CACNB4: variants seen among roughly 807,000 people sequenced by gnomAD.
CACNB4 encodes the protein voltage-dependent L-type calcium channel subunit beta-4.
CACNB4 carries 32 observed loss-of-function variants against 71.2 expected under a neutral mutation model. The observed-to-expected ratio is 0.45, with a 90% confidence interval of 0.34 to 0.60. The LOEUF (loss-of-function observed/expected upper bound fraction) is 0.60, where lower values mean the gene tolerates loss of function less well. Ranked by LOEUF, CACNB4 falls within the 20% of genes least tolerant of loss-of-function variation. The pLI, the probability that CACNB4 is intolerant of heterozygous loss-of-function variation, is 0.01. For missense variants in CACNB4, 464 were observed against 647.9 expected (o/e 0.72, Z 3.08); for synonymous variants, 231 against 236.9 (o/e 0.97, Z 0.23).
chr2:151,943,521 GAAA>G (rs200693865), intron 2 of CACNB4, among the ~76,000 whole-genome samples: 3 of 147,638 alleles, frequency 2.0e-5, no homozygotes, highest in Non-Finnish European at 4.5e-5. Flanking sequence ...ATTTCTGGAA[GAAA>G]AAAAAAACTA....
chr2:152,049,780 C>T (rs150969981), intron 2 of CACNB4, among the ~76,000 whole-genome samples: 5 of 152,344 alleles, frequency 3.3e-5, no homozygotes, highest in South Asian at 2.1e-4. Context: ...GGTGCCCAGG[C>T]GACAAGCTAA....
intron 9 of CACNB4, chr2:151,868,718 TCTCA>T (rs1205274042): frequency 1.3e-5 from 2 of 152,152 alleles, no homozygotes; most frequent in African/African-American, 2.4e-5. Flanking sequence ...TTAAAATAAT[TCTCA>T]CTCTCTTCTT....
chr2:151,876,643 T>C (rs186843714), intron 4 of CACNB4, 87 bp from the exon 5 acceptor site: 2 of 834,596 alleles, frequency 2.4e-6, no homozygotes, highest in African/African-American at 1.7e-5. Context: ...AAGAATAAAA[T>C]GCTATTTATA....
intron 2 of CACNB4, among the ~76,000 whole-genome samples, chr2:151,941,150 C>T (rs1465256614): frequency 6.6e-6 from 1 of 152,034 alleles, no homozygotes; most frequent in African/African-American, 2.4e-5. Flanking sequence ...CTAGTCACAG[C>T]ATGCTATGGA....
intron 2 of CACNB4, among the ~76,000 whole-genome samples, chr2:151,983,675 TCACACACACA>T (rs1553803380): frequency 0.029 from 4,126 of 141,508 alleles, 189 homozygotes; most frequent in African/African-American, 0.1. Context: ...TAAACTTTGG[TCACACACACA>T]CACACACACA....
chr2:151,870,516 AGAT>A lies in CACNB4; in HGVS notation c.699+12_699+14del. On this transcript the variant is annotated intron_variant, in intron 8 of 13. Transcript: ENST00000539935. Reference sequence around the variant, plus strand: ...GCTCGATCAAGAACTGAAGAGTAACAGATGATATTTGTACCTCGTAACCTTTCA... The same window carrying A: ...GCTCGATCAAGAACTGAAGAGTAACAGATATTTGTACCTCGTAACCTTTCA... 1 of 1,603,378 alleles carries A rather than the reference AGAT, an allele frequency of 6.2e-7. No homozygotes were observed. The highest frequency in any genetic ancestry group is 8.5e-7 in the Non-Finnish European group (1 of 1,170,590).
intron 2 of CACNB4, among the ~76,000 whole-genome samples, chr2:151,914,488 CCTCTGTCCAG>C (rs1320482988): frequency 6.6e-6 from 1 of 152,158 alleles, no homozygotes; most frequent in African/African-American, 2.4e-5. Context: ...TCCATCTGAC[CCTCTGTCCAG>C]TTCTGTGCCC....
rs567972190 is a variant in CACNB4 at position 152,068,111 on chromosome 2, G to A, written c.147+30219C>T. 5.9e-5 allele frequency among the ~76,000 whole-genome samples: 9 copies of A among 152,236 alleles called. No individual in the cohort carries two copies. In the South Asian group the frequency reaches 8.3e-4, roughly 14 times the overall value. ...GAAAATGAAGGCACAGTCTCAGTAC[G>A]TCTCTCATGTCAAAGTCAGAGCCCT... On this transcript the variant is annotated intron_variant, in intron 2 of 13. Coordinates refer to ENST00000539935, the MANE Select transcript of CACNB4 (RefSeq NM_000726.5).
At chr2:152,012,930 T>C (rs972473594) in intron 2 of CACNB4, among the ~76,000 whole-genome samples, 46 of 152,348 alleles carry the variant, frequency 3.0e-4, no homozygotes, top group African/African-American at 1.1e-3. Context: ...CTTCCAATCC[T>C]GCAAGCTCCA....
intron 2 of CACNB4, among the ~76,000 whole-genome samples, chr2:152,080,160 C>T (rs1002613536): frequency 1.6e-4 from 24 of 151,224 alleles, no homozygotes; most frequent in Admixed American, 1.4e-3. Context: ...CTCGCTCTGT[C>T]GCCCAGGCTG....
chr2:152,029,487 C>T (rs1464118233), intron 2 of CACNB4, among the ~76,000 whole-genome samples: 18 of 78,080 alleles, frequency 2.3e-4, no homozygotes, highest in Non-Finnish European at 3.6e-4. Context: ...GAGCGAGACT[C>T]GATCTCAAAA....
At chr2:151,992,705 T>C (rs1402414727) in intron 2 of CACNB4, among the ~76,000 whole-genome samples, 7 of 152,168 alleles carry the variant, frequency 4.6e-5, no homozygotes, top group African/African-American at 7.2e-5. Flanking sequence ...CTAGCCACCA[T>C]TGCAATCAGG....
chr2:151,933,498 C>A (rs541475268), intron 2 of CACNB4, among the ~76,000 whole-genome samples: 41 of 152,102 alleles, frequency 2.7e-4, no homozygotes, highest in African/African-American at 9.6e-4. Context: ...TAACTGTCAT[C>A]CCTCTTGTAA....
chr2:151,853,450 G>T lies in CACNB4; in HGVS notation c.1114C>A (p.Pro372Thr). The change falls in exon 12 of 14, where the codon CCA (proline) becomes ACA (threonine). Residue 372 changes from proline (P) to threonine (T), a missense_variant and splice_region_variant. Physicochemically the swap from Pro to Thr is conservative, Grantham distance 38. Around this residue, in one of 3 missense-constraint regions of CACNB4, gnomAD observed 299 missense variants for 471.7 expected, o/e 0.63. Transcript: ENST00000539935. The stretch of plus-strand genomic sequence containing the variant: ...AGACAAAAAATGATCATACTTACTG[G>T]GGGGCATTGTGCAAGTTTATCAGCT... ...VAADKLAQCP[P>T]EMFDVILDEN... The T allele has an allele frequency of 6.3e-7, 1 of 1,579,784 alleles. No homozygotes were observed. The highest frequency in any genetic ancestry group is 1.2e-5 in the South Asian group (1 of 85,778).
intron 2 of CACNB4, among the ~76,000 whole-genome samples, chr2:152,020,237 A>G (rs1914976): frequency 0.99 from 150,319 of 152,342 alleles, 74,207 homozygotes; most frequent in Middle Eastern, 1. Flanking sequence ...GAAAGAGGCT[A>G]TCAGGCATTT....
intron 2 of CACNB4, among the ~76,000 whole-genome samples, chr2:152,044,143 T>C (rs1685015727): frequency 1.3e-5 from 2 of 152,264 alleles, no homozygotes; most frequent in Non-Finnish European, 2.9e-5. Context: ...CGTGCTTCTT[T>C]CTCTGAAGCA....
intron 2 of CACNB4, among the ~76,000 whole-genome samples, chr2:152,037,833 A>G (rs995027334): frequency 6.6e-6 from 1 of 152,184 alleles, no homozygotes; most frequent in African/African-American, 2.4e-5. Flanking sequence ...CCGTGAGCCA[A>G]GACCTCAGCA....
chr2:151,909,921 T>C (rs1392948527), intron 2 of CACNB4, among the ~76,000 whole-genome samples: 1 of 152,100 alleles, frequency 6.6e-6, no homozygotes, highest in Non-Finnish European at 1.5e-5. Flanking sequence ...GTATATCAAA[T>C]GGTATTTCTG....
intron 2 of CACNB4, among the ~76,000 whole-genome samples, chr2:151,964,069 G>GAA (rs397825547): frequency 0.29 from 28,527 of 99,018 alleles, 5,188 homozygotes; most frequent in Middle Eastern, 0.34. Flanking sequence ...CTGTCTCACA[G>GAA]AAAAAAAAAA....
Sources: gnomAD v4.1 joint callset for allele counts (sites outside exome capture counted in the v4.1 genomes callset) on GRCh38, gnomAD v4.1.1 for gene constraint, gnomAD v4.1.1 regional missense constraint, MANE v1.5 for transcripts, NCBI Gene and HGNC (gene_info 2026-07-23, HGNC 2026-07-21) for gene names.